The following CSRP3 variants were observed in gnomAD, a reference collection of about 807,000 sequenced individuals.
The protein encoded by CSRP3 is cysteine and glycine-rich protein 3.
In CSRP3, 24 loss-of-function variants were observed where a neutral mutation model predicts 24.3. The ratio of observed to expected loss-of-function variants is 0.99; its 90% CI spans 0.71 to 1.39. CSRP3 has a LOEUF of 1.39. Among genes scored for constraint, CSRP3 ranks in the 40% most tolerant of loss-of-function variants. The pLI, the probability that CSRP3 is intolerant of heterozygous loss-of-function variation, is 0.00. For synonymous variants in CSRP3, 105 were observed against 94.0 expected, an observed-to-expected ratio of 1.12 and a Z score of -0.68; for missense variants, 240 against 249.0, an observed-to-expected ratio of 0.96 and a Z score of 0.24.
chr11:19,200,251 T>C (rs1565057060), intron 1 of CSRP3, among the ~76,000 whole-genome samples: 3 of 152,232 alleles, frequency 2.0e-5, no homozygotes. Flanking sequence ...CTTAGTTTTA[T>C]TGTTCAGAAA....
Position 19,192,493 on chromosome 11 carries a change from C to A in CSRP3, c.-28-17G>T, listed in dbSNP as rs1850633333. ...AGGTCAAGTCTAAGGGGACATAAAG[C>A]AAATACCCTACATTGAAGTGGCCCC... On this transcript the variant is annotated splice_polypyrimidine_tract_variant and intron_variant, in intron 1 of 5. Transcript: ENST00000265968. 6.8e-7 allele frequency: 1 copy of A among 1,473,042 alleles called. No individual in the cohort carries two copies. Among genetic ancestry groups the A allele is most frequent in the Non-Finnish European group, 9.5e-7 (1 of 1,051,916 alleles). The allele number at this position is 1,473,042 out of a possible 1,614,324, so 91.2% of individuals were successfully genotyped here.
At chr11:19,193,214 T>A (rs11025051) in intron 1 of CSRP3, among the ~76,000 whole-genome samples, 21,268 of 152,252 alleles carry the variant, frequency 0.14, 1,621 homozygotes, top group East Asian at 0.19. Flanking sequence ...ACCCTCTACC[T>A]GCTGTTCATA....
chr11:19,193,654 C>T (rs1025105026), intron 1 of CSRP3, among the ~76,000 whole-genome samples: 7 of 152,084 alleles, frequency 4.6e-5, no homozygotes, highest in African/African-American at 7.2e-5. Flanking sequence ...CCACCGTGCC[C>T]GGCCTAAACA....
rs1850453383 is a variant in CSRP3 at position 19,182,586 on chromosome 11, T to C, written c.*84A>G. The C allele has an allele frequency of 9.2e-7, 1 of 1,086,162 alleles. No individual in the cohort carries two copies. Among genetic ancestry groups the C allele is most frequent in the Admixed American group, 1.7e-5 (1 of 59,346 alleles). 67.3% of individuals were successfully genotyped at this position (1,086,162 alleles called of 1,614,324 possible). On this transcript the variant is annotated 3_prime_UTR_variant, in exon 6 of 6. Coordinates refer to ENST00000265968, the MANE Select transcript of CSRP3 (RefSeq NM_003476.5). Reference sequence around the variant, plus strand: ...TAATGTACGACTACAAAGGAGAGGCTATTTGGGGAAAGGTATCGATCTGTG... The same window carrying C: ...TAATGTACGACTACAAAGGAGAGGCCATTTGGGGAAAGGTATCGATCTGTG...
chr11:19,201,585 G>A (rs1344663493), intron 1 of CSRP3, among the ~76,000 whole-genome samples: 2 of 152,230 alleles, frequency 1.3e-5, no homozygotes, highest in Admixed American at 6.5e-5. Flanking sequence ...ATTATATGGT[G>A]GTTGTAAGAC....
intron 1 of CSRP3, among the ~76,000 whole-genome samples, chr11:19,192,946 G>C (rs1850640366): frequency 6.6e-6 from 1 of 152,156 alleles, no homozygotes; most frequent in Admixed American, 6.5e-5. Context: ...GGTAGATCTG[G>C]GGAGAGGCAG....
rs774006811 is a variant in CSRP3, at chr11:19,192,459, A to G, written c.-11T>C. On this transcript the variant is annotated 5_prime_UTR_variant, in exon 2 of 6. Transcript: ENST00000265968. ...GCCCCAGTTTGGCATCTTGAAGACT[A>G]TCTGGTCAAGGTCAAGTCTAAGGGG... 5.0e-6 allele frequency: 8 copies of G among 1,609,642 alleles called. No individual in the cohort carries two copies. The South Asian group carries it at 5.5e-5, about 11-fold the overall frequency.
At chr11:19,185,338 G>A (rs968548413) in intron 4 of CSRP3, among the ~76,000 whole-genome samples, 2 of 152,246 alleles carry the variant, frequency 1.3e-5, no homozygotes, top group South Asian at 4.1e-4. Context: ...GAACAAACTG[G>A]TCAGAGAAGG....
chr11:19,186,910 T>C (rs1379839394), intron 3 of CSRP3, among the ~76,000 whole-genome samples: 1 of 152,186 alleles, frequency 6.6e-6, no homozygotes, highest in African/African-American at 2.4e-5. Context: ...AGAGACATAA[T>C]AATAGCCTCT....
chr11:19,192,862 G>T (rs925033935), intron 1 of CSRP3, among the ~76,000 whole-genome samples: 12 of 152,020 alleles, frequency 7.9e-5, no homozygotes, highest in African/African-American at 2.9e-4. Context: ...CATCTGTGAA[G>T]ATGGTATTTT....
intron 2 of CSRP3, among the ~76,000 whole-genome samples, chr11:19,189,712 A>G (rs761664219): frequency 6.6e-6 from 1 of 152,182 alleles, no homozygotes; most frequent in Non-Finnish European, 1.5e-5. Context: ...TTATTCTGGG[A>G]CTTTATTTGA....
At chr11:19,198,058 C>G (rs1850771384) in intron 1 of CSRP3, among the ~76,000 whole-genome samples, 1 of 152,158 alleles carries the variant, frequency 6.6e-6, no homozygotes, top group Non-Finnish European at 1.5e-5. Flanking sequence ...TTGGAACTTA[C>G]GTTTCTCTGA....
chr11:19,195,747 A>G (rs555473136), intron 1 of CSRP3, among the ~76,000 whole-genome samples: 8 of 152,292 alleles, frequency 5.3e-5, no homozygotes, highest in African/African-American at 1.7e-4. Flanking sequence ...TCAAAATGAG[A>G]ATAGGATTAC....
At chr11:19,193,511 T>A (rs926919554) in intron 1 of CSRP3, among the ~76,000 whole-genome samples, 2 of 152,136 alleles carry the variant, frequency 1.3e-5, no homozygotes, top group Non-Finnish European at 2.9e-5. Context: ...GAAAATTATT[T>A]AAAAAAATAA....
At chr11:19,184,448 C>T (rs1011803947) in intron 5 of CSRP3, among the ~76,000 whole-genome samples, 6 of 152,328 alleles carry the variant, frequency 3.9e-5, no homozygotes, top group Admixed American at 2.6e-4. Flanking sequence ...CACTAAGTAA[C>T]GTGCAACATC....
intron 3 of CSRP3, among the ~76,000 whole-genome samples, chr11:19,186,855 C>T (rs896160436): frequency 6.6e-6 from 1 of 152,232 alleles, no homozygotes; most frequent in Non-Finnish European, 1.5e-5. Flanking sequence ...AGGCTGTCGT[C>T]CTGCCTCCAA....
chr11:19,199,725 A>G (rs1850804684), intron 1 of CSRP3, among the ~76,000 whole-genome samples: 1 of 152,172 alleles, frequency 6.6e-6, no homozygotes, highest in African/African-American at 2.4e-5. Flanking sequence ...CCATCAAATC[A>G]TGATCAACCC....
chr11:19,184,489 G>T (rs553129188), intron 5 of CSRP3, among the ~76,000 whole-genome samples: 11 of 152,310 alleles, frequency 7.2e-5, no homozygotes, highest in African/African-American at 2.4e-4. Context: ...GGGGTAGGCA[G>T]GAGGGAGATA....
In CSRP3 at chr11:19,192,404, C is replaced by T. The variant is rs1850631016; in HGVS notation, c.45G>A (p.Lys15=). 1 of 1,614,206 alleles carries T rather than the reference C, an allele frequency of 6.2e-7. No homozygotes were observed. Among genetic ancestry groups the T allele is most frequent in the Non-Finnish European group, 8.5e-7 (1 of 1,180,028 alleles). Residue 15 remains lysine (K), a synonymous_variant, in exon 2 of 6, where the codon AAG becomes AAA. Coordinates refer to ENST00000265968, the MANE Select transcript of CSRP3 (RefSeq NM_003476.5). ...GGATTTCTTCTGCATGGTAGACGGTCTTTTCACAGGCTCCACATTTTGCGC... is the reference window on the plus strand; with the variant it reads ...GGATTTCTTCTGCATGGTAGACGGTTTTTTCACAGGCTCCACATTTTGCGC... ...GGGAKCGACE[K]TVYHAEEIQC... is the part of the protein sequence containing the mutation.
Sources: allele counts gnomAD v4.1 joint callset (sites outside exome capture counted in the v4.1 genomes callset), GRCh38; gene constraint gnomAD v4.1.1; transcripts MANE v1.5; gene names NCBI Gene and HGNC (gene_info 2026-07-23, HGNC 2026-07-21).